ARMC5: variants seen among roughly 807,000 people sequenced by gnomAD.
ARMC5 encodes armadillo repeat-containing protein 5.
ARMC5 carries 28 observed loss-of-function variants against 60.5 expected under a neutral mutation model. That is an observed-to-expected ratio of 0.46 (90% confidence interval 0.34 to 0.63). The LOEUF is 0.63. Ranked by LOEUF, ARMC5 falls within the 30% of genes least tolerant of loss-of-function variation. The pLI, the probability that ARMC5 is intolerant of heterozygous loss-of-function variation, is 0.01. For synonymous variants in ARMC5, 680 were observed against 607.3 expected, an observed-to-expected ratio of 1.12 and a Z score of -1.76; for missense variants, 1,189 against 1,304.9, an observed-to-expected ratio of 0.91 and a Z score of 1.37.
rs772102466 is a variant in ARMC5, at chr16:31,464,549, G to A, written c.1526G>A (p.Arg509His). Residue 509 changes from arginine to histidine, a missense_variant, in exon 4 of 6, where the codon CGC (arginine) becomes CAC (histidine). This residue lies in a region of ARMC5 where 862 missense variants were observed against 1,071.2 expected (regional missense o/e 0.80). Coordinates refer to ENST00000268314, the MANE Select transcript of ARMC5 (RefSeq NM_001105247.2). The surrounding 1 kb of genome is among the most constrained non-coding windows in gnomAD (Gnocchi z 7.6). The part of the protein sequence containing the change: ...RAPRTQRTPG[R>H]SPAAAIEEPW... ...CCACGCACCCAACGCACTCCGGGCC[G>A]CAGCCCCGCCGCCGCCATCGAGGAG... 9.5e-6 allele frequency: 15 copies of A among 1,585,680 alleles called. No individual in the cohort carries two copies. Among genetic ancestry groups the A allele is most frequent in the Non-Finnish European group, 1.2e-5 (14 of 1,167,936 alleles).
At chr16:31,463,999 A>G (rs1047410713) in intron 3 of ARMC5, among the ~76,000 whole-genome samples, 6 of 152,068 alleles carry the variant, frequency 3.9e-5, no homozygotes, top group African/African-American at 1.4e-4. Context: ...CCTCCCTCCA[A>G]GACAGCTTTT....
rs2082312558 is a variant in ARMC5 at position 31,462,458 on chromosome 16, T to C, written c.911T>C (p.Ile304Thr). 1.9e-6 allele frequency: 3 copies of C among 1,612,676 alleles called. No individual in the cohort carries two copies. The East Asian group carries it at 6.7e-5, about 36-fold the overall frequency. ...KRAVREGTIL[I>T]LANLCAQGLI... ...GCAGTACGCGAGGGAACCATTCTGATCCTCGCCAACCTGTGTGCCCAGGGC... is the reference window on the plus strand; with the variant it reads ...GCAGTACGCGAGGGAACCATTCTGACCCTCGCCAACCTGTGTGCCCAGGGC... The change falls in exon 3 of 6, where the codon ATC (isoleucine) becomes ACC (threonine). Residue 304 changes from isoleucine (I) to threonine (T), a missense_variant. This residue lies in a region of ARMC5 where 862 missense variants were observed against 1,071.2 expected (regional missense o/e 0.80). Transcript: ENST00000268314. This position sits in a 1 kb window ranked among gnomAD's most constrained non-coding sequence, Gnocchi z 7.2.
Position 31,466,842 on chromosome 16 carries a change from C to T in ARMC5, c.2761C>T (p.Leu921=), listed in dbSNP as rs931152047. The T allele has an allele frequency of 1.3e-6, 2 of 1,592,330 alleles. No homozygotes were observed. The highest frequency in any genetic ancestry group is 1.7e-6 in the Non-Finnish European group (2 of 1,170,482). ...EEAGPLTEAL[L]AVVMGIELGA... ...GGCAGGGCCCCTGACGGAGGCTTTGCTGGCTGTGGTGATGGGGATTGAGTT... is the reference window on the plus strand; with the variant it reads ...GGCAGGGCCCCTGACGGAGGCTTTGTTGGCTGTGGTGATGGGGATTGAGTT... Residue 921 remains leucine, a synonymous_variant, in exon 6 of 6, where the codon CTG becomes TTG. Coordinates refer to ENST00000268314, the MANE Select transcript of ARMC5 (RefSeq NM_001105247.2). The surrounding 1 kb of genome is among the most constrained non-coding windows in gnomAD (Gnocchi z 8.0).
At chr16:31,465,146 T>TCTGGG (rs1423480908) in intron 4 of ARMC5, 10 of 1,612,510 alleles carry the variant, frequency 6.2e-6, no homozygotes, top group Non-Finnish European at 8.5e-6. Flanking sequence ...GCGCCCAGGA[T>TCTGGG]CTGGGCTGGT....
chr16:31,459,501 G>T lies in ARMC5; in HGVS notation c.-24G>T. 6.3e-7 allele frequency: 1 copy of T among 1,589,450 alleles called. No individual in the cohort carries two copies. On this transcript the variant is annotated 5_prime_UTR_variant, in exon 1 of 6. Coordinates refer to ENST00000268314, the MANE Select transcript of ARMC5 (RefSeq NM_001105247.2). ...CCTGGGATCAGCGGCGAGAAGCGGG[G>T]CGGAGTCTGAGGCCCGAGCCAAGAT...
In ARMC5 at chr16:31,464,445, C is replaced by T. The variant is rs367648554; in HGVS notation, c.1422C>T (p.Pro474=). 803 of 1,580,866 alleles carry T rather than the reference C, an allele frequency of 5.1e-4. 4 individuals carry two copies. In the South Asian group the frequency reaches 5.1e-3, roughly 10 times the overall value. The change falls in exon 4 of 6, where the codon CCC becomes CCT. Residue 474 remains proline, a synonymous_variant. Coordinates refer to ENST00000268314, the MANE Select transcript of ARMC5 (RefSeq NM_001105247.2). The surrounding 1 kb of genome is among the most constrained non-coding windows in gnomAD (Gnocchi z 7.6). ...GYATGPDDIS[P]DWSPEQCPPE... is the part of the protein sequence containing the mutation. ...CCACAGGCCCTGATGACATCTCCCC[C>T]GACTGGTCTCCTGAGCAGTGTCCGC...
At position 31,466,810 on chromosome 16, in the gene ARMC5, G is replaced by A; in HGVS notation, c.2729G>A (p.Gly910Asp). 6.3e-7 allele frequency: 1 copy of A among 1,596,024 alleles called. No homozygotes were observed. The highest frequency in any genetic ancestry group is 2.2e-5 in the East Asian group (1 of 44,792). The part of the protein sequence containing the change: ...LALVGLVEAA[G>D]EEAGPLTEAL... ...CTGGTGGGGCTTGTGGAGGCAGCAGGTGAAGAGGCAGGGCCCCTGACGGAG... is the reference window on the plus strand; with the variant it reads ...CTGGTGGGGCTTGTGGAGGCAGCAGATGAAGAGGCAGGGCCCCTGACGGAG... Residue 910 changes from glycine to aspartate, a missense_variant, in exon 6 of 6, where the codon GGT (glycine) becomes GAT (aspartate). Coordinates refer to ENST00000268314, the MANE Select transcript of ARMC5 (RefSeq NM_001105247.2). This position sits in a 1 kb window ranked among gnomAD's most constrained non-coding sequence, Gnocchi z 8.0.
Position 31,466,792 on chromosome 16 carries a change from G to A in ARMC5, c.2711G>A (p.Gly904Glu), listed in dbSNP as rs780276581. ...CPRKRGLALV[G>E]LVEAAGEEAG... ...AGGAAGCGGGGTCTGGCCCTGGTGGGGCTTGTGGAGGCAGCAGGTGAAGAG... is the reference window on the plus strand; with the variant it reads ...AGGAAGCGGGGTCTGGCCCTGGTGGAGCTTGTGGAGGCAGCAGGTGAAGAG... Residue 904 changes from glycine (G) to glutamate (E), a missense_variant, in exon 6 of 6, where the codon GGG becomes GAG. By Grantham distance (98) the Gly-to-Glu change is moderately conservative. Around this residue, in one of 2 missense-constraint regions of ARMC5, gnomAD observed 862 missense variants for 1,071.2 expected, o/e 0.80. Coordinates refer to ENST00000268314, the MANE Select transcript of ARMC5 (RefSeq NM_001105247.2). This position sits in a 1 kb window ranked among gnomAD's most constrained non-coding sequence, Gnocchi z 8.0. 3 of 1,590,080 alleles carry A rather than the reference G, an allele frequency of 1.9e-6. No individual in the cohort carries two copies. In the African/African-American group the frequency reaches 4.0e-5, roughly 21 times the overall value.
In ARMC5 at chr16:31,459,876, A is replaced by G. The variant is rs766884244; in HGVS notation, c.352A>G (p.Ser118Gly). The change falls in exon 1 of 6, where the codon AGT becomes GGT. Residue 118 changes from serine to glycine, a missense_variant. Around this residue, in one of 2 missense-constraint regions of ARMC5, gnomAD observed 327 missense variants for 233.7 expected, o/e 1.40. Coordinates refer to ENST00000268314, the MANE Select transcript of ARMC5 (RefSeq NM_001105247.2). The stretch of plus-strand genomic sequence containing the variant: ...CGCCCCCTCCGCTGTGTCGTCGTCT[A>G]GTCCTACGCCGCCAGTGCGCCTGCG... The part of the protein sequence containing the change: ...GPAPSAVSSS[S>G]PTPPVRLRKT... 9.3e-6 allele frequency: 15 copies of G among 1,604,664 alleles called. No individual in the cohort carries two copies. In the Admixed American group the frequency reaches 2.5e-4, roughly 27 times the overall value.
chr16:31,461,900 C>T, intron 1 of ARMC5, 22 bp from the exon 2 acceptor site: 2 of 1,607,330 alleles, frequency 1.2e-6, no homozygotes, highest in Non-Finnish European at 8.5e-7. Flanking sequence ...AGAACCCTCA[C>T]AAGCCCAAAC....
upstream of ARMC5, chr16:31,458,687 C>T: frequency 6.9e-7 from 1 of 1,454,398 alleles, no homozygotes; most frequent in Non-Finnish European, 9.0e-7. Context: ...CCCGACCACA[C>T]CAGGAAGGGC....
intron 3 of ARMC5, among the ~76,000 whole-genome samples, chr16:31,463,765 C>G (rs2082325241): frequency 6.6e-6 from 1 of 152,026 alleles, no homozygotes; most frequent in Admixed American, 6.6e-5. Flanking sequence ...CTACACTAGC[C>G]CCACACTAAC....
At position 31,459,776 on chromosome 16, in the gene ARMC5, G is replaced by T. The variant is rs765712803; in HGVS notation, c.252G>T (p.Pro84=). 1.9e-6 allele frequency: 3 copies of T among 1,541,052 alleles called. No homozygotes were observed. The highest frequency in any genetic ancestry group is 2.6e-6 in the Non-Finnish European group (3 of 1,150,398). Residue 84 remains proline, a synonymous_variant, in exon 1 of 6, where the codon CCG becomes CCT. Coordinates refer to ENST00000268314, the MANE Select transcript of ARMC5 (RefSeq NM_001105247.2). ...GAGCGGCTGCAGCGGGTTCCGCCCC[G>T]TCCCAGGCAGGCCCCGGCTCCGCCC... The part of the protein sequence containing the change: ...LRRAAAAGSA[P]SQAGPGSAPS...
At position 31,466,689 on chromosome 16, in the gene ARMC5, G is replaced by C; in HGVS notation, c.2608G>C (p.Gly870Arg). The C allele has an allele frequency of 6.4e-7, 1 of 1,570,870 alleles. No homozygotes were observed. Among genetic ancestry groups the C allele is most frequent in the African/African-American group, 1.3e-5 (1 of 74,146 alleles). ...LGPQGGPESV[G>R]EVFRLGRPRL... ...ACCCCAGGGTGGCCCGGAGTCAGTG[G>C]GTGAGGTGTTCCGCCTGGGCCGGCC... Residue 870 changes from glycine (G) to arginine (R), a missense_variant, in exon 6 of 6, where the codon GGT becomes CGT. Transcript: ENST00000268314. The surrounding 1 kb of genome is among the most constrained non-coding windows in gnomAD (Gnocchi z 8.0).
rs764430983 is a variant in ARMC5 at position 31,465,054 on chromosome 16, TCCATGGG to T, written c.1864+170_1864+176del. On this transcript the variant is annotated intron_variant, in intron 4 of 5. Transcript: ENST00000268314. Reference sequence around the variant, plus strand: ...GTGGGGAGCAGGGCGTTCCAGTCCCTCCATGGGCCCACAGGCAGAGTTCTGCTGTGTC... The same window carrying T: ...GTGGGGAGCAGGGCGTTCCAGTCCCTCCCACAGGCAGAGTTCTGCTGTGTC... 8 of 1,613,812 alleles carry T rather than the reference TCCATGGG, an allele frequency of 5.0e-6. No individual in the cohort carries two copies. In the East Asian group the frequency reaches 1.8e-4, roughly 36 times the overall value.
chr16:31,459,004 C>G (rs1232308289), upstream of ARMC5: 6 of 1,533,978 alleles, frequency 3.9e-6, no homozygotes, highest in Middle Eastern at 3.3e-4. Context: ...CTTCCTCTGA[C>G]CGAGCGAGGG....
At position 31,462,148 on chromosome 16, in the gene ARMC5, G is replaced by T. The variant is rs774539522; in HGVS notation, c.601G>T (p.Val201Leu). The T allele has an allele frequency of 1.9e-6, 3 of 1,612,228 alleles. No individual in the cohort carries two copies. Among genetic ancestry groups the T allele is most frequent in the Non-Finnish European group, 2.5e-6 (3 of 1,179,230 alleles). The change falls in exon 3 of 6, where the codon GTG becomes TTG. Residue 201 changes from valine to leucine, a missense_variant. Val to Leu is a conservative substitution (Grantham distance 32). Coordinates refer to ENST00000268314, the MANE Select transcript of ARMC5 (RefSeq NM_001105247.2). The surrounding 1 kb of genome is among the most constrained non-coding windows in gnomAD (Gnocchi z 7.2). ...GCCCTCAGGTGCTGTTCCCCTGCTTGTGGAGAGCCTGACAGCCTGCCAGGA... is the reference window on the plus strand; with the variant it reads ...GCCCTCAGGTGCTGTTCCCCTGCTTTTGGAGAGCCTGACAGCCTGCCAGGA... The part of the protein sequence containing the change: ...IHCAGAVPLL[V>L]ESLTACQDSQ...
At position 31,461,978 on chromosome 16, in the gene ARMC5, C is replaced by T. The variant is rs560847715; in HGVS notation, c.532C>T (p.Leu178=). The change falls in exon 2 of 6, where the codon CTG becomes TTG. Residue 178 remains leucine, a synonymous_variant. Coordinates refer to ENST00000268314, the MANE Select transcript of ARMC5 (RefSeq NM_001105247.2). ...CATCCAGAACCGAACGGCCCGTGCC[C>T]TGGGGAACTTAGCCATGGAACCTGA... The part of the protein sequence containing the change: ...DSIQNRTARA[L]GNLAMEPESC... 59 of 1,614,230 alleles carry T rather than the reference C, an allele frequency of 3.7e-5. No individual in the cohort carries two copies. In the East Asian group the frequency reaches 9.6e-4, roughly 26 times the overall value.
In ARMC5 at chr16:31,466,010, G is replaced by T. The variant is rs1173797377; in HGVS notation, c.1997+28G>T. 6.3e-7 allele frequency: 1 copy of T among 1,597,536 alleles called. No individual in the cohort carries two copies. Among genetic ancestry groups the T allele is most frequent in the Admixed American group, 1.7e-5 (1 of 59,334 alleles). On this transcript the variant is annotated intron_variant, in intron 5 of 5. Coordinates refer to ENST00000268314, the MANE Select transcript of ARMC5 (RefSeq NM_001105247.2). The surrounding 1 kb of genome is among the most constrained non-coding windows in gnomAD (Gnocchi z 8.0). ...GAGTGGGAAGTGGGTGCCTTGCGGG[G>T]TTGGGGGAGGAGTGCTGTGTTTCCC...
Sources: gnomAD v4.1 joint callset for allele counts (sites outside exome capture counted in the v4.1 genomes callset) on GRCh38, gnomAD v4.1.1 for gene constraint, gnomAD v4.1.1 regional missense constraint, Gnocchi (gnomAD v3.1) non-coding constraint, MANE v1.5 for transcripts, NCBI Gene and HGNC (gene_info 2026-07-23, HGNC 2026-07-21) for gene names.